Variants in ZDHHC21 observed in about 807,000 individuals in gnomAD.
The protein encoded by ZDHHC21 is zDHHC palmitoyltransferase 21, also known as palmitoyltransferase ZDHHC21.
A neutral mutation model predicts 34.6 loss-of-function variants in ZDHHC21; 15 were observed. The observed-to-expected ratio is 0.43, with a 90% CI of 0.29 to 0.67. The LOEUF is 0.67. Ranked by LOEUF, ZDHHC21 falls within the 30% of genes least tolerant of loss-of-function variation. The pLI, the probability that ZDHHC21 is intolerant of heterozygous loss-of-function variation, is 0.14. For synonymous variants in ZDHHC21, 142 were observed against 101.8 expected (o/e 1.40, Z -2.38); for missense variants, 344 against 327.7 (o/e 1.05, Z -0.38).
intron 2 of ZDHHC21, among the ~76,000 whole-genome samples, chr9:14,686,464 G>A (rs1221414982): frequency 1.3e-5 from 2 of 152,170 alleles, no homozygotes; most frequent in African/African-American, 4.8e-5. Context: ...ATTAAATACT[G>A]AGAATGTAAA....
chr9:14,662,180 CCCTCTTT>C, intron 6 of ZDHHC21, 28 bp downstream of exon 6: 1 of 1,448,458 alleles, frequency 6.9e-7, no homozygotes, highest in Non-Finnish European at 9.4e-7. Flanking sequence ...TATTACCCAC[CCCTCTTT>C]TCTTTGCTAG....
intron 2 of ZDHHC21, chr9:14,683,543 T>C (rs1459170866): frequency 6.6e-6 from 1 of 152,056 alleles, no homozygotes. Context: ...GGCTCTGAAA[T>C]TGAGGCAATA....
rs149000794 is a variant in ZDHHC21, at chr9:14,616,673, C to T, written c.*2293G>A. The T allele has an allele frequency of 8.6e-5, 13 of 151,780 alleles. No homozygotes were observed. The highest frequency in any genetic ancestry group is 1.9e-4 in the African/African-American group (8 of 41,462). The allele number at this position is 151,780 out of a possible 1,614,324, so 9.4% of individuals were successfully genotyped here. ...ACAAAACCCACAGGAGAGTTAGGTA[C>T]GCTAACTGGGGAATACTGAAAGTTA... On this transcript the variant is annotated 3_prime_UTR_variant, in exon 10 of 10. Coordinates refer to ENST00000380916, the MANE Select transcript of ZDHHC21 (RefSeq NM_178566.6).
At chr9:14,619,597 T>G (rs1302063956) in intron 9 of ZDHHC21, 42 bp downstream of exon 9, 8 of 1,335,294 alleles carry the variant, frequency 6.0e-6, no homozygotes, top group Non-Finnish European at 8.3e-6. Flanking sequence ...TCCAGTTCTT[T>G]CCAATTTTAA....
the ZDHHC21 span, among the ~76,000 whole-genome samples, chr9:14,603,837 T>C: frequency 1.3e-5 from 2 of 152,188 alleles, no homozygotes; most frequent in Non-Finnish European, 1.5e-5. Flanking sequence ...TTCAGTAATG[T>C]GGTTTATCTC....
chr9:14,601,818 T>G, the ZDHHC21 span, among the ~76,000 whole-genome samples: 1 of 152,106 alleles, frequency 6.6e-6, no homozygotes, highest in Non-Finnish European at 1.5e-5. Context: ...ATGCAGCCAT[T>G]AAAACGGATG....
At chr9:14,632,076 C>A (rs1161253519) in intron 8 of ZDHHC21, among the ~76,000 whole-genome samples, 1 of 151,898 alleles carries the variant, frequency 6.6e-6, no homozygotes, top group African/African-American at 2.4e-5. Flanking sequence ...CACACACACA[C>A]ACACACACAC....
chr9:14,648,486 G>C (rs1332437611), intron 7 of ZDHHC21, among the ~76,000 whole-genome samples: 1 of 151,956 alleles, frequency 6.6e-6, no homozygotes, highest in Non-Finnish European at 1.5e-5. Flanking sequence ...CTCCACTCAA[G>C]ATACACTGGT....
the ZDHHC21 span, among the ~76,000 whole-genome samples, chr9:14,603,050 G>C: frequency 5.9e-5 from 9 of 152,040 alleles, no homozygotes; most frequent in African/African-American, 2.2e-4. Flanking sequence ...TGGGAGTTGA[G>C]GGGGAGCAGT....
intron 2 of ZDHHC21, among the ~76,000 whole-genome samples, chr9:14,689,666 G>C (rs559361787): frequency 5.9e-4 from 90 of 152,236 alleles, no homozygotes; most frequent in African/African-American, 2.0e-3. Flanking sequence ...ATTACTACTA[G>C]TAGTATTAGT....
intron 7 of ZDHHC21, among the ~76,000 whole-genome samples, chr9:14,651,454 G>A (rs562450101): frequency 6.6e-6 from 1 of 151,954 alleles, no homozygotes; most frequent in East Asian, 1.9e-4. Flanking sequence ...CTGTCAAGTG[G>A]CAAGTTTGTG....
At position 14,612,584 on chromosome 9, in the gene ZDHHC21, G is replaced by A. The variant is rs184840793; in HGVS notation, c.*6382C>T. 4 of 151,822 alleles carry A rather than the reference G, an allele frequency of 2.6e-5. No homozygotes were observed. Among genetic ancestry groups the A allele is most frequent in the Middle Eastern group, 3.2e-3 (1 of 316 alleles). 9.4% of individuals were successfully genotyped at this position (151,822 alleles called of 1,614,324 possible). A position where few individuals can be genotyped will look rare whatever the true frequency, so the allele number is the denominator to read the frequency against. On this transcript the variant is annotated 3_prime_UTR_variant, in exon 10 of 10. Transcript: ENST00000380916. The stretch of plus-strand genomic sequence containing the variant: ...AAAAATCTTACTCTATGTAAAGTGA[G>A]TAACCATATCCAGACTTTTTTCTTT...
At chr9:14,689,411 CTT>C (rs1375204832) in intron 2 of ZDHHC21, among the ~76,000 whole-genome samples, 1 of 152,188 alleles carries the variant, frequency 6.6e-6, no homozygotes, top group Admixed American at 6.5e-5. Context: ...TCCAGGAAGA[CTT>C]TGTAAAAACG....
In ZDHHC21 at chr9:14,689,137, T is replaced by C. The variant is rs533558666; in HGVS notation, c.-176+1200A>G. Among the ~76,000 whole-genome samples, 65 of 152,312 alleles carry C rather than the reference T, an allele frequency of 4.3e-4. 1 individual carries two copies. The South Asian group carries it at 0.011, about 26-fold the overall frequency. On this transcript the variant is annotated intron_variant, in intron 2 of 9. Coordinates refer to ENST00000380916, the MANE Select transcript of ZDHHC21 (RefSeq NM_178566.6). ...GTGAACTAGTCAAAAAAACTTCAAA[T>C]ATTACAGCCCTTCGGCTAGTATCAT...
chr9:14,647,501 C>T (rs992447337), intron 7 of ZDHHC21, among the ~76,000 whole-genome samples: 4 of 152,058 alleles, frequency 2.6e-5, no homozygotes, highest in African/African-American at 7.2e-5. Flanking sequence ...CTTATGAATA[C>T]CACATGCTTT....
the ZDHHC21 span, among the ~76,000 whole-genome samples, chr9:14,601,323 A>C: frequency 4.5e-3 from 691 of 152,336 alleles, 2 homozygotes; most frequent in Non-Finnish European, 7.1e-3. Context: ...AACCCCATCA[A>C]AAAGTGTGCA....
chr9:14,641,191 C>T (rs1319878197), intron 7 of ZDHHC21, among the ~76,000 whole-genome samples: 1 of 152,100 alleles, frequency 6.6e-6, no homozygotes, highest in Non-Finnish European at 1.5e-5. Flanking sequence ...TATATTGAGT[C>T]ACCACCAGAC....
intron 2 of ZDHHC21, among the ~76,000 whole-genome samples, chr9:14,682,244 G>A (rs1564395751): frequency 3.3e-5 from 5 of 152,120 alleles, no homozygotes; most frequent in Admixed American, 2.6e-4. Context: ...ACACAGACTG[G>A]CAAATTGGAT....
In ZDHHC21 at chr9:14,653,397, T is replaced by C. The variant is rs545170323; in HGVS notation, c.504+5352A>G. ...TCTGAAATTATTGGTAATTTTTTTC[T>C]ACCTTTATGAAAAACACAGTAAATG... On this transcript the variant is annotated intron_variant, in intron 7 of 9. Coordinates refer to ENST00000380916, the MANE Select transcript of ZDHHC21 (RefSeq NM_178566.6). Among the ~76,000 whole-genome samples the C allele has an allele frequency of 8.2e-4, 124 of 152,134 alleles. 2 individuals are homozygous for C. In the South Asian group the frequency reaches 0.024, roughly 30 times the overall value.
Sources: gnomAD v4.1 joint callset for allele counts (sites outside exome capture counted in the v4.1 genomes callset) on GRCh38, gnomAD v4.1.1 for gene constraint, MANE v1.5 for transcripts, NCBI Gene and HGNC (gene_info 2026-07-23, HGNC 2026-07-21) for gene names.